Variants in DGKB observed in about 807,000 individuals in gnomAD.
DGKB encodes the protein diacylglycerol kinase beta.
In DGKB, 67 loss-of-function variants were observed where a neutral mutation model predicts 114.3. That is an observed-to-expected ratio of 0.59 (90% confidence interval 0.48 to 0.72). The LOEUF is 0.72. DGKB is among the 30% of genes least tolerant of loss of function. The pLI is 0.00. For missense variants in DGKB, 907 were observed against 975.2 expected, an observed-to-expected ratio of 0.93 and a Z score of 0.93; for synonymous variants, 398 against 323.1, an observed-to-expected ratio of 1.23 and a Z score of -2.49.
intron 21 of DGKB, among the ~76,000 whole-genome samples, chr7:14,391,783 A>G (rs545558496): frequency 6.6e-6 from 1 of 152,340 alleles, no homozygotes; most frequent in Admixed American, 6.5e-5. Context: ...TTAATTCTTC[A>G]GTAGTGTTCA....
chr7:14,242,357 C>T (rs1378791852), intron 23 of DGKB, among the ~76,000 whole-genome samples: 2 of 152,164 alleles, frequency 1.3e-5, no homozygotes, highest in Non-Finnish European at 2.9e-5. Context: ...AAGTGACCTC[C>T]TGTGTGACTT....
chr7:14,312,323 T>A (rs1805533473), intron 23 of DGKB, among the ~76,000 whole-genome samples: 1 of 152,194 alleles, frequency 6.6e-6, no homozygotes, highest in African/African-American at 2.4e-5. Context: ...TTCAAGAGAT[T>A]AATGAGGTCA....
chr7:14,896,270 GTAAGGGAAAGGGAGTTA>G (rs1414620345), intron 1 of DGKB, among the ~76,000 whole-genome samples: 1 of 151,652 alleles, frequency 6.6e-6, no homozygotes, highest in Non-Finnish European at 1.5e-5. Context: ...ATCATTTTAG[GTAAGGGAAAGGGAGTTA>G]AAATTTCTGA....
At chr7:14,444,488 G>T (rs1305919091) in intron 21 of DGKB, among the ~76,000 whole-genome samples, 3 of 151,544 alleles carry the variant, frequency 2.0e-5, no homozygotes, top group African/African-American at 7.3e-5. Context: ...ATTCATATGC[G>T]GTCTCCAACA....
At chr7:14,339,043 G>T (rs554718867) in intron 22 of DGKB, among the ~76,000 whole-genome samples, 1 of 151,922 alleles carries the variant, frequency 6.6e-6, no homozygotes. Context: ...TTACAAAAAG[G>T]TTAATTCTGG....
At position 14,621,480 on chromosome 7, in the gene DGKB, T is replaced by G; in HGVS notation, c.1182A>C (p.Thr394=). Residue 394 remains threonine (T), a synonymous_variant, in exon 15 of 26, where the codon ACA becomes ACC. Transcript: ENST00000402815. ...GVSVPEERQS[T]VKKEKSGSQQ... ...GGGAACCACTCTTTTCCTTTTTCAC[T>G]GTTGATTGTCTTTCCTGTAAAAAAG... is the stretch of plus-strand genomic sequence containing the variant. 6.2e-7 allele frequency: 1 copy of G among 1,603,440 alleles called. No individual in the cohort carries two copies. Among genetic ancestry groups the G allele is most frequent in the Non-Finnish European group, 8.5e-7 (1 of 1,174,304 alleles).
intron 2 of DGKB, among the ~76,000 whole-genome samples, chr7:14,832,521 T>C (rs1193375520): frequency 6.6e-6 from 1 of 152,074 alleles, no homozygotes; most frequent in African/African-American, 2.4e-5. Flanking sequence ...ATTATTGTTT[T>C]TTAAAAAAAT....
intron 21 of DGKB, among the ~76,000 whole-genome samples, chr7:14,347,350 A>T (rs1349025764): frequency 6.6e-6 from 1 of 152,014 alleles, no homozygotes; most frequent in African/African-American, 2.4e-5. Flanking sequence ...TGAGAAAATA[A>T]ATTTGTACAG....
At chr7:14,345,731 T>A (rs1346024015) in intron 21 of DGKB, among the ~76,000 whole-genome samples, 3 of 151,710 alleles carry the variant, frequency 2.0e-5, no homozygotes, top group African/African-American at 7.2e-5. Context: ...GAAATTATGA[T>A]ACAGCATAAA....
chr7:14,730,762 C>T (rs1290219053), intron 5 of DGKB, among the ~76,000 whole-genome samples: 1 of 152,144 alleles, frequency 6.6e-6, no homozygotes, highest in Non-Finnish European at 1.5e-5. Context: ...ATGACTGCAA[C>T]TCCATGTACT....
At chr7:14,471,277 C>T (rs374342472) in intron 21 of DGKB, among the ~76,000 whole-genome samples, 4 of 127,634 alleles carry the variant, frequency 3.1e-5, no homozygotes, top group African/African-American at 1.2e-4. Context: ...TATGTGTATA[C>T]ATACATATAT....
intron 20 of DGKB, among the ~76,000 whole-genome samples, chr7:14,565,295 A>G (rs1163978592): frequency 1.3e-5 from 2 of 152,162 alleles, no homozygotes. Flanking sequence ...CAACTGCCAG[A>G]TATATGAGGG....
chr7:14,652,780 C>G (rs1050542603), intron 13 of DGKB, among the ~76,000 whole-genome samples: 1 of 152,128 alleles, frequency 6.6e-6, no homozygotes, highest in Non-Finnish European at 1.5e-5. Context: ...TATCCAGAAT[C>G]TACAATGAAC....
chr7:14,333,008 T>A (rs1195567309), intron 23 of DGKB, among the ~76,000 whole-genome samples: 1 of 152,190 alleles, frequency 6.6e-6, no homozygotes, highest in Non-Finnish European at 1.5e-5. Flanking sequence ...TGAATATAAT[T>A]ACTTTCGCTC....
intron 20 of DGKB, among the ~76,000 whole-genome samples, chr7:14,502,756 C>T (rs1056919201): frequency 2.6e-5 from 4 of 152,040 alleles, no homozygotes; most frequent in African/African-American, 9.7e-5. Context: ...ATCTATATAA[C>T]ACTATTCTCT....
At chr7:14,947,655 G>T (rs1785958479) in intron 1 of DGKB, among the ~76,000 whole-genome samples, 1 of 142,164 alleles carries the variant, frequency 7.0e-6, no homozygotes, top group African/African-American at 2.6e-5. Context: ...CTGTGTGTAG[G>T]TGTCTTAATT....
chr7:14,248,350 T>C (rs908712753), intron 23 of DGKB, among the ~76,000 whole-genome samples: 19 of 152,218 alleles, frequency 1.2e-4, no homozygotes, highest in Middle Eastern at 3.4e-3. Context: ...TGTTGTTCCA[T>C]ATAAGTTTTA....
intron 21 of DGKB, among the ~76,000 whole-genome samples, chr7:14,427,567 T>C (rs987093000): frequency 3.3e-5 from 5 of 152,134 alleles, no homozygotes; most frequent in African/African-American, 1.2e-4. Context: ...GATAGAGACA[T>C]ATCTGAGACA....
At chr7:14,582,568 A>G (rs1278630515) in intron 18 of DGKB, among the ~76,000 whole-genome samples, 1 of 152,166 alleles carries the variant, frequency 6.6e-6, no homozygotes, top group Non-Finnish European at 1.5e-5. Flanking sequence ...TCTGTATCAT[A>G]GAGTTGTGAG....
Sources: gnomAD v4.1 joint callset for allele counts (sites outside exome capture counted in the v4.1 genomes callset) on GRCh38, gnomAD v4.1.1 for gene constraint, MANE v1.5 for transcripts, NCBI Gene and HGNC (gene_info 2026-07-23, HGNC 2026-07-21) for gene names.